AGBL4: variants seen among roughly 807,000 people sequenced by gnomAD.
The protein encoded by AGBL4 is cytosolic carboxypeptidase 6.
AGBL4 carries 58 observed loss-of-function variants against 66.4 expected under a neutral mutation model. That is an observed-to-expected ratio of 0.87 (90% CI 0.71 to 1.09). The LOEUF (loss-of-function observed/expected upper bound fraction) is 1.09. AGBL4 is among the 50% of genes least tolerant of loss of function. The pLI, the probability that AGBL4 is intolerant of heterozygous loss-of-function variation, is 0.00. For synonymous variants in AGBL4, 234 were observed against 222.9 expected, an observed-to-expected ratio of 1.05 and a Z score of -0.44; for missense variants, 579 against 631.0, an observed-to-expected ratio of 0.92 and a Z score of 0.88.
At chr1:48,870,858 G>T (rs1282166956) in intron 5 of AGBL4, among the ~76,000 whole-genome samples, 2 of 152,158 alleles carry the variant, frequency 1.3e-5, no homozygotes, top group Non-Finnish European at 2.9e-5. Context: ...CTTAAAACAG[G>T]ATTACAAAAC....
At chr1:48,681,398 G>T (rs1446706432) in intron 6 of AGBL4, among the ~76,000 whole-genome samples, 1 of 152,102 alleles carries the variant, frequency 6.6e-6, no homozygotes, top group Non-Finnish European at 1.5e-5. Flanking sequence ...TTCTCTTTCT[G>T]CTTTCAAATT....
intron 3 of AGBL4, among the ~76,000 whole-genome samples, chr1:49,282,226 C>CT (rs924413478): frequency 6.6e-6 from 1 of 152,082 alleles, no homozygotes; most frequent in Non-Finnish European, 1.5e-5. Context: ...GGAAAACCTA[C>CT]TTTTTTTGTA....
intron 1 of AGBL4, among the ~76,000 whole-genome samples, chr1:50,009,830 T>C (rs553751919): frequency 6.6e-6 from 1 of 152,068 alleles, no homozygotes; most frequent in Non-Finnish European, 1.5e-5. Context: ...CATACAAATA[T>C]CAGTAGCATT....
At chr1:49,088,110 T>C (rs1188746043) in intron 4 of AGBL4, among the ~76,000 whole-genome samples, 1 of 152,158 alleles carries the variant, frequency 6.6e-6, no homozygotes, top group African/African-American at 2.4e-5. Flanking sequence ...GGAAAGATTG[T>C]TCCTGGCCAC....
chr1:49,688,653 G>A (rs1292387218), intron 3 of AGBL4, among the ~76,000 whole-genome samples: 1 of 152,138 alleles, frequency 6.6e-6, no homozygotes, highest in Non-Finnish European at 1.5e-5. Flanking sequence ...GTCCAAAACT[G>A]TTCTCCATAG....
At chr1:49,865,726 A>T (rs1181935757) in intron 1 of AGBL4, among the ~76,000 whole-genome samples, 3 of 152,214 alleles carry the variant, frequency 2.0e-5, no homozygotes, top group Non-Finnish European at 4.4e-5. Context: ...ACATCTCTCC[A>T]GCAAGGACAG....
intron 4 of AGBL4, among the ~76,000 whole-genome samples, chr1:49,206,245 A>G (rs1381517505): frequency 6.6e-6 from 1 of 152,126 alleles, no homozygotes; most frequent in African/African-American, 2.4e-5. Flanking sequence ...CTCTGTTTTC[A>G]GCCTAGCTCC....
At chr1:49,797,898 G>C (rs1644769914) in intron 2 of AGBL4, among the ~76,000 whole-genome samples, 1 of 151,936 alleles carries the variant, frequency 6.6e-6, no homozygotes, top group Non-Finnish European at 1.5e-5. Context: ...TGAATAGCTG[G>C]GACTACAGGC....
At chr1:49,883,627 G>C (rs951198672) in intron 1 of AGBL4, among the ~76,000 whole-genome samples, 1 of 151,988 alleles carries the variant, frequency 6.6e-6, no homozygotes, top group Non-Finnish European at 1.5e-5. Context: ...AGGACTTTTA[G>C]GACCTAATTT....
intron 5 of AGBL4, among the ~76,000 whole-genome samples, chr1:48,976,008 A>G (rs1013239084): frequency 6.6e-6 from 1 of 152,168 alleles, no homozygotes; most frequent in African/African-American, 2.4e-5. Flanking sequence ...AGAGATGGCC[A>G]GAAGTACATG....
At chr1:48,854,425 G>C (rs954143222) in intron 6 of AGBL4, among the ~76,000 whole-genome samples, 9 of 152,156 alleles carry the variant, frequency 5.9e-5, no homozygotes, top group African/African-American at 2.2e-4. Flanking sequence ...CTGATGATAA[G>C]TCCCTTCACT....
intron 3 of AGBL4, among the ~76,000 whole-genome samples, chr1:49,449,795 T>C (rs554415407): frequency 6.6e-6 from 1 of 152,202 alleles, no homozygotes; most frequent in South Asian, 2.1e-4. Flanking sequence ...TTTAGTATTT[T>C]ACACCCTTCA....
intron 3 of AGBL4, among the ~76,000 whole-genome samples, chr1:49,667,477 C>T (rs1646393715): frequency 6.6e-6 from 1 of 151,440 alleles, no homozygotes; most frequent in Non-Finnish European, 1.5e-5. Context: ...AATAAAAAAG[C>T]ATGTAGATTT....
chr1:49,138,736 T>C (rs1487317900), intron 4 of AGBL4, among the ~76,000 whole-genome samples: 1 of 152,112 alleles, frequency 6.6e-6, no homozygotes. Context: ...CCAAAAGGAA[T>C]GGTTTCTCAA....
At chr1:48,711,595 C>CA (rs1190624726) in intron 6 of AGBL4, among the ~76,000 whole-genome samples, 4 of 152,148 alleles carry the variant, frequency 2.6e-5, no homozygotes, top group African/African-American at 9.7e-5. Flanking sequence ...TGCTCACCCC[C>CA]GGGGCTGGAT....
intron 6 of AGBL4, among the ~76,000 whole-genome samples, chr1:48,863,744 A>G (rs1482417403): frequency 6.6e-6 from 1 of 152,074 alleles, no homozygotes; most frequent in Non-Finnish European, 1.5e-5. Flanking sequence ...ACAATGGGTT[A>G]TCCATACACA....
chr1:49,995,338 A>G (rs1340177545), intron 1 of AGBL4: 2 of 452,582 alleles, frequency 4.4e-6, no homozygotes, highest in Admixed American at 4.7e-5. Flanking sequence ...CCAGCCTTTC[A>G]GGCTGCGTTG....
intron 2 of AGBL4, among the ~76,000 whole-genome samples, chr1:49,713,778 A>G (rs771895826): frequency 1.3e-5 from 2 of 152,002 alleles, no homozygotes; most frequent in Non-Finnish European, 2.9e-5. Context: ...ACAATGTAAA[A>G]TTTCTGCTTA....
chr1:49,923,174 C>A (rs1353365094), intron 1 of AGBL4, among the ~76,000 whole-genome samples: 1 of 152,154 alleles, frequency 6.6e-6, no homozygotes, highest in East Asian at 1.9e-4. Flanking sequence ...AAACAAACAA[C>A]TATCTGATCT....
Sources: gnomAD v4.1 joint callset for allele counts (sites outside exome capture counted in the v4.1 genomes callset) on GRCh38, gnomAD v4.1.1 for gene constraint, MANE v1.5 for transcripts, NCBI Gene and HGNC (gene_info 2026-07-23, HGNC 2026-07-21) for gene names.